The following LRBA variants were observed in gnomAD, a reference collection of about 807,000 sequenced individuals.
LRBA encodes lipopolysaccharide-responsive and beige-like anchor protein.
A neutral mutation model predicts 330.0 loss-of-function variants in LRBA; 176 were observed. The ratio of observed to expected loss-of-function variants is 0.53; its 90% CI spans 0.47 to 0.60. The LOEUF (loss-of-function observed/expected upper bound fraction) is 0.60. LRBA is among the 20% of genes least tolerant of loss of function. The probability of loss-of-function intolerance (pLI) is 0.00; values close to 1 mark genes in which losing one functional copy is unlikely to be tolerated. For synonymous variants in LRBA, 1,230 were observed against 1,193.0 expected (o/e 1.03, Z -0.64); for missense variants, 3,259 against 3,444.8 (o/e 0.95, Z 1.35).
At chr4:150,931,134 A>G (rs943020128) in intron 2 of LRBA, among the ~76,000 whole-genome samples, 1 of 152,088 alleles carries the variant, frequency 6.6e-6, no homozygotes, top group Non-Finnish European at 1.5e-5. Context: ...GTAACTTTTT[A>G]TTTTGAAATA....
At chr4:150,748,792 C>T (rs1733119833) in intron 35 of LRBA, among the ~76,000 whole-genome samples, 1 of 152,076 alleles carries the variant, frequency 6.6e-6, no homozygotes, top group Admixed American at 6.6e-5. Flanking sequence ...TGAGGCCTTT[C>T]TGAGGTCATT....
intron 15 of LRBA, among the ~76,000 whole-genome samples, chr4:150,896,678 TATATA>T (rs1459404688): frequency 6.6e-6 from 1 of 152,026 alleles, no homozygotes; most frequent in East Asian, 1.9e-4. Flanking sequence ...TTCAACACCT[TATATA>T]ATATGACAGC....
chr4:150,481,646 A>C (rs772699535), intron 42 of LRBA, among the ~76,000 whole-genome samples: 2 of 151,672 alleles, frequency 1.3e-5, no homozygotes, highest in African/African-American at 2.4e-5. Context: ...ATTTCATATA[A>C]ATAAAACCAT....
chr4:150,955,353 ATGGAATGT>A (rs1343616200), intron 2 of LRBA, among the ~76,000 whole-genome samples: 1 of 149,494 alleles, frequency 6.7e-6, no homozygotes, highest in Non-Finnish European at 1.5e-5. Flanking sequence ...GACAAAATGT[ATGGAATGT>A]ATAAAGCAGT....
In LRBA at chr4:150,957,779, C is replaced by A. The variant is rs552541749; in HGVS notation, c.217-28714G>T. 9.0e-4 allele frequency among the ~76,000 whole-genome samples: 134 copies of A among 148,970 alleles called. 18 individuals carry two copies. The highest frequency in any genetic ancestry group is 3.1e-3 in the African/African-American group (121 of 38,464). On this transcript the variant is annotated intron_variant, in intron 2 of 56. Transcript: ENST00000651943. ...CTCATTCCAAATAGGAGAAATTGGC[C>A]AAAACAAAGGGGCTACAGGTCCCGT...
At chr4:150,285,641 G>C (rs78604596) in intron 54 of LRBA, among the ~76,000 whole-genome samples, 2 of 152,196 alleles carry the variant, frequency 1.3e-5, no homozygotes, top group Non-Finnish European at 2.9e-5. Flanking sequence ...CCTTAGAGCA[G>C]TGCTGTGAAA....
chr4:150,809,886 ATACGATACGATACGATACG>A (rs1743410107), intron 31 of LRBA, among the ~76,000 whole-genome samples: 2 of 148,274 alleles, frequency 1.3e-5, no homozygotes, highest in East Asian at 2.0e-4. Flanking sequence ...ATACGATACG[ATACGATACGATACGATACG>A]ATACGATACG....
In LRBA at chr4:150,934,708, G is replaced by A. The variant is rs373654669; in HGVS notation, c.217-5643C>T. Among the ~76,000 whole-genome samples the A allele has an allele frequency of 4.6e-5, 7 of 151,874 alleles. No homozygotes were observed. The East Asian group carries it at 1.2e-3, about 25-fold the overall frequency. ...GCCAACATGGTGAAACCCCAGCTCCGTTAAAAATACAAAAATTAGGCCGGG... is the reference window on the plus strand; with the variant it reads ...GCCAACATGGTGAAACCCCAGCTCCATTAAAAATACAAAAATTAGGCCGGG... On this transcript the variant is annotated intron_variant, in intron 2 of 56. Transcript: ENST00000651943.
chr4:150,654,982 T>A (rs1277334953), intron 37 of LRBA, among the ~76,000 whole-genome samples: 2 of 152,136 alleles, frequency 1.3e-5, no homozygotes, highest in Admixed American at 1.3e-4. Context: ...TTTGCTATTG[T>A]GAATAGTGCC....
At chr4:150,356,583 C>T (rs1370606500) in intron 47 of LRBA, among the ~76,000 whole-genome samples, 3 of 151,916 alleles carry the variant, frequency 2.0e-5, no homozygotes, top group Non-Finnish European at 4.4e-5. Context: ...AGAAAATTAA[C>T]ATTTTTTCAT....
At chr4:150,309,198 T>C (rs958510616) in intron 52 of LRBA, among the ~76,000 whole-genome samples, 5 of 152,200 alleles carry the variant, frequency 3.3e-5, no homozygotes, top group Non-Finnish European at 7.3e-5. Flanking sequence ...TTTAGATGTG[T>C]TTAGACACAC....
intron 44 of LRBA, among the ~76,000 whole-genome samples, chr4:150,446,938 G>A: frequency 6.6e-6 from 1 of 152,092 alleles, no homozygotes; most frequent in East Asian, 1.9e-4. Flanking sequence ...TGATCTATAT[G>A]GTGGGGGAGG....
At chr4:150,456,184 C>G (rs1052923186) in intron 44 of LRBA, among the ~76,000 whole-genome samples, 1 of 152,050 alleles carries the variant, frequency 6.6e-6, no homozygotes, top group Non-Finnish European at 1.5e-5. Context: ...TTAGGGTATA[C>G]ACCTAGAAGT....
intron 40 of LRBA, among the ~76,000 whole-genome samples, chr4:150,508,558 G>A (rs1761447153): frequency 6.6e-6 from 1 of 152,166 alleles, no homozygotes; most frequent in Non-Finnish European, 1.5e-5. Flanking sequence ...CAAAGTGTGG[G>A]ATTATAGGCA....
intron 40 of LRBA, among the ~76,000 whole-genome samples, chr4:150,493,525 A>G (rs1422301917): frequency 6.6e-6 from 1 of 152,250 alleles, no homozygotes; most frequent in Non-Finnish European, 1.5e-5. Flanking sequence ...AATAGTTGAG[A>G]AAACAGATAT....
chr4:150,610,962 T>C (rs1775198473), intron 37 of LRBA, among the ~76,000 whole-genome samples: 1 of 152,198 alleles, frequency 6.6e-6, no homozygotes, highest in African/African-American at 2.4e-5. Context: ...ACTGCTGCTA[T>C]GTTTTCAACT....
At chr4:150,766,841 G>A (rs957090911) in intron 34 of LRBA, among the ~76,000 whole-genome samples, 14 of 152,232 alleles carry the variant, frequency 9.2e-5, no homozygotes, top group African/African-American at 3.1e-4. Flanking sequence ...TCAGCACTTT[G>A]GAGAGGAAGA....
At chr4:150,564,892 G>A (rs961330361) in intron 40 of LRBA, among the ~76,000 whole-genome samples, 18 of 152,134 alleles carry the variant, frequency 1.2e-4, no homozygotes, top group African/African-American at 4.1e-4. Flanking sequence ...AGATGCTGGC[G>A]AAGCTATGGA....
chr4:150,492,018 AC>A (rs1339385026), intron 40 of LRBA, among the ~76,000 whole-genome samples: 1 of 152,106 alleles, frequency 6.6e-6, no homozygotes, highest in African/African-American at 2.4e-5. Context: ...TGATTATGAT[AC>A]TACATTGTAG....
Sources: gnomAD v4.1 joint callset for allele counts (sites outside exome capture counted in the v4.1 genomes callset) on GRCh38, gnomAD v4.1.1 for gene constraint, MANE v1.5 for transcripts, NCBI Gene and HGNC (gene_info 2026-07-23, HGNC 2026-07-21) for gene names.